The following DOCK8 variants were observed in gnomAD, a reference collection of about 807,000 sequenced individuals.
DOCK8 encodes the protein dedicator of cytokinesis protein 8.
DOCK8 carries 141 observed loss-of-function variants against 245.6 expected under a neutral mutation model. The ratio of observed to expected loss-of-function variants is 0.57; its 90% confidence interval spans 0.50 to 0.66. The LOEUF is 0.66. Ranked by LOEUF, DOCK8 falls within the 30% of genes least tolerant of loss-of-function variation. The probability of loss-of-function intolerance (pLI) is 0.00; values close to 1 mark genes in which losing one functional copy is unlikely to be tolerated. For synonymous variants in DOCK8, 1,168 were observed against 970.2 expected (o/e 1.20, Z -3.79); for missense variants, 2,965 against 2,603.4 (o/e 1.14, Z -3.02).
At chr9:397,554 G>C (rs1033268917) in intron 25 of DOCK8, among the ~76,000 whole-genome samples, 1 of 151,528 alleles carries the variant, frequency 6.6e-6, no homozygotes, top group Non-Finnish European at 1.5e-5. Context: ...GCCGGGTGTA[G>C]TGGCACGTAC....
intron 1 of DOCK8, among the ~76,000 whole-genome samples, chr9:242,810 GTTT>G (rs34167682): frequency 2.8e-4 from 39 of 140,930 alleles, no homozygotes; most frequent in Non-Finnish European, 5.3e-4. Flanking sequence ...TGTTGAGCTT[GTTT>G]TTTTTTTTTT....
rs1564015832 is a variant in DOCK8, at chr9:400,850, A to ACC, written c.3234+1591_3234+1592insCC. 7.9e-5 allele frequency among the ~76,000 whole-genome samples: 8 copies of ACC among 101,520 alleles called. 1 individual carries two copies. Among genetic ancestry groups the ACC allele is most frequent in the Non-Finnish European group, 1.6e-4 (8 of 49,946 alleles). 66.6% of individuals were successfully genotyped at this position (101,520 alleles called of 152,430 possible). On this transcript the variant is annotated intron_variant, in intron 26 of 47. Coordinates refer to ENST00000432829, the MANE Select transcript of DOCK8 (RefSeq NM_203447.4). ...CATCACCATCACCACCACCTCCACC[A>ACC]TCACCACCTCCTCCACCATCACCAC...
At chr9:290,373 C>T (rs772050231) in intron 4 of DOCK8, among the ~76,000 whole-genome samples, 1 of 151,956 alleles carries the variant, frequency 6.6e-6, no homozygotes, top group Non-Finnish European at 1.5e-5. Context: ...CCCAGGGAAG[C>T]CAAAAGTTTG....
intron 18 of DOCK8, among the ~76,000 whole-genome samples, chr9:373,923 T>G (rs547863210): frequency 2.6e-5 from 4 of 152,304 alleles, no homozygotes; most frequent in African/African-American, 9.6e-5. Context: ...GAACCCCCTA[T>G]TATCTTTTTA....
chr9:268,780 C>G (rs915105382), intron 1 of DOCK8, among the ~76,000 whole-genome samples: 1 of 152,200 alleles, frequency 6.6e-6, no homozygotes, highest in African/African-American at 2.4e-5. Flanking sequence ...GCTTATGATC[C>G]TCTTTCAAGT....
At chr9:331,117 G>A (rs537371331) in intron 9 of DOCK8, among the ~76,000 whole-genome samples, 7 of 152,260 alleles carry the variant, frequency 4.6e-5, no homozygotes, top group African/African-American at 1.4e-4. Context: ...CTTCCAATTT[G>A]TTCTACAAGC....
At chr9:441,544 G>T in intron 41 of DOCK8, 127 bp downstream of exon 41, 1 of 1,433,890 alleles carries the variant, frequency 7.0e-7, no homozygotes, top group South Asian at 1.2e-5. Flanking sequence ...GCTCTCACCT[G>T]TCAAACAGAA....
chr9:251,429 C>T (rs71488134), intron 1 of DOCK8, among the ~76,000 whole-genome samples: 6,606 of 152,276 alleles, frequency 0.043, 170 homozygotes, highest in Non-Finnish European at 0.065. Flanking sequence ...TTCAAAGTCT[C>T]AGCAACAAGC....
chr9:373,574 C>T (rs1367808097), intron 18 of DOCK8, among the ~76,000 whole-genome samples: 1 of 152,208 alleles, frequency 6.6e-6, no homozygotes, highest in African/African-American at 2.4e-5. Context: ...ATCTCTTTTG[C>T]TTTCCTTGCA....
At chr9:254,339 T>C (rs187757122) in intron 1 of DOCK8, among the ~76,000 whole-genome samples, 1 of 152,308 alleles carries the variant, frequency 6.6e-6, no homozygotes, top group Non-Finnish European at 1.5e-5. Context: ...AATTCCCAAC[T>C]CTTGCTATCT....
At chr9:454,560 C>A (rs945829697) in intron 46 of DOCK8, 5 of 152,004 alleles carry the variant, frequency 3.3e-5, no homozygotes, top group African/African-American at 1.2e-4. Context: ...CTGTGATGCA[C>A]CGGGTTCCTC....
intron 39 of DOCK8, 88 bp from the exon 40 acceptor site, chr9:439,157 G>C: frequency 1.3e-6 from 2 of 1,552,484 alleles, no homozygotes; most frequent in Middle Eastern, 1.7e-4. Flanking sequence ...CTGCACACCA[G>C]CTTCCTCGTT....
rs143194665 is a variant in DOCK8 at position 277,457 on chromosome 9, G to GAGAGAAGAGAAGAGAAGAGA, written c.156+5742_156+5761dup. ...AAAAGAGAAGAGAGGAGAAGAGAAA[G>GAGAGAAGAGAAGAGAAGAGA]AGAGAAGAGAAGAGAAGAGAAGAGA... On this transcript the variant is annotated intron_variant, in intron 2 of 47. Coordinates refer to ENST00000432829, the MANE Select transcript of DOCK8 (RefSeq NM_203447.4). 8.7e-3 allele frequency among the ~76,000 whole-genome samples: 1,122 copies of GAGAGAAGAGAAGAGAAGAGA among 129,588 alleles called. 90 individuals are homozygous for GAGAGAAGAGAAGAGAAGAGA. The highest frequency in any genetic ancestry group is 0.033 in the East Asian group (160 of 4,900). 85.0% of individuals were successfully genotyped at this position (129,588 alleles called of 152,430 possible).
At chr9:342,860 G>A (rs187100858) in intron 14 of DOCK8, among the ~76,000 whole-genome samples, 2 of 152,214 alleles carry the variant, frequency 1.3e-5, no homozygotes, top group African/African-American at 2.4e-5. Context: ...TCTTTTTCAA[G>A]TTTTCAGCTC....
At chr9:223,151 A>C (rs2046920934) in intron 1 of DOCK8, among the ~76,000 whole-genome samples, 1 of 152,200 alleles carries the variant, frequency 6.6e-6, no homozygotes, top group Non-Finnish European at 1.5e-5. Context: ...CATTCTCATC[A>C]AAGGGCAAAA....
At chr9:229,467 A>G (rs984870461) in intron 1 of DOCK8, among the ~76,000 whole-genome samples, 1 of 152,204 alleles carries the variant, frequency 6.6e-6, no homozygotes, top group Non-Finnish European at 1.5e-5. Flanking sequence ...TCCCATAATT[A>G]CACTGATGGA....
chr9:361,541 A>G (rs2052730641), intron 14 of DOCK8, among the ~76,000 whole-genome samples: 2 of 152,184 alleles, frequency 1.3e-5, no homozygotes, highest in Admixed American at 1.3e-4. Context: ...TTCACCTTAC[A>G]TTTGTAGAGC....
intron 14 of DOCK8, among the ~76,000 whole-genome samples, chr9:341,508 G>A (rs1323304683): frequency 6.6e-6 from 1 of 152,204 alleles, no homozygotes; most frequent in Non-Finnish European, 1.5e-5. Context: ...CAGTGGTACT[G>A]ATTCAGTTGA....
intron 4 of DOCK8, among the ~76,000 whole-genome samples, chr9:300,665 C>T (rs1205706174): frequency 6.6e-6 from 1 of 151,850 alleles, no homozygotes; most frequent in African/African-American, 2.4e-5. Flanking sequence ...AAAAATGACA[C>T]TACAACTGAT....
Sources: allele counts gnomAD v4.1 joint callset (sites outside exome capture counted in the v4.1 genomes callset), GRCh38; gene constraint gnomAD v4.1.1; transcripts MANE v1.5; gene names NCBI Gene and HGNC (gene_info 2026-07-23, HGNC 2026-07-21).